SPAG9: variants seen among roughly 807,000 people sequenced by gnomAD.
SPAG9 encodes sperm associated antigen 9, also known as C-Jun-amino-terminal kinase-interacting protein 4.
A neutral mutation model predicts 166.5 loss-of-function variants in SPAG9; 35 were observed. The ratio of observed to expected loss-of-function variants is 0.21; its 90% CI spans 0.16 to 0.28. The LOEUF (loss-of-function observed/expected upper bound fraction) is 0.28, where lower values mean the gene tolerates loss of function less well. SPAG9 is among the 10% of genes least tolerant of loss of function. SPAG9 has a pLI of 1.00. For synonymous variants in SPAG9, 534 were observed against 565.5 expected (o/e 0.94, Z 0.79); for missense variants, 1,235 against 1,603.3 (o/e 0.77, Z 3.92).
At chr17:51,100,135 C>G (rs1348285906) in intron 1 of SPAG9, among the ~76,000 whole-genome samples, 1 of 151,990 alleles carries the variant, frequency 6.6e-6, no homozygotes, top group African/African-American at 2.4e-5. Flanking sequence ...TAAATAAGCA[C>G]TTTGCACTTA....
At chr17:51,037,699 TGTG>T (rs1568028439) in intron 5 of SPAG9, among the ~76,000 whole-genome samples, 3 of 104,998 alleles carry the variant, frequency 2.9e-5, no homozygotes, top group African/African-American at 9.6e-5. Flanking sequence ...TGTGTGTGTG[TGTG>T]TGTGTGTGTG....
chr17:50,975,761 A>G lies in SPAG9; in HGVS notation c.3524-814T>C, dbSNP rs570892635. On this transcript the variant is annotated intron_variant, in intron 27 of 29. Coordinates refer to ENST00000262013, the MANE Select transcript of SPAG9 (RefSeq NM_001130528.3). The stretch of plus-strand genomic sequence containing the variant: ...GCGATGCAGTGACTGCAAGTGGATA[A>G]CATTTAGGAACATTCAAGAGGGTAT... 3 of 879,378 alleles carry G rather than the reference A, an allele frequency of 3.4e-6. No homozygotes were observed. In the African/African-American group the frequency reaches 5.0e-5, roughly 15 times the overall value. 54.5% of individuals were successfully genotyped at this position (879,378 alleles called of 1,614,324 possible).
At chr17:51,053,672 G>A (rs1250153628) in intron 3 of SPAG9, among the ~76,000 whole-genome samples, 5 of 149,464 alleles carry the variant, frequency 3.3e-5, no homozygotes, top group Admixed American at 1.3e-4. Flanking sequence ...GTGACAGAAC[G>A]AGACTCCATC....
intron 19 of SPAG9, among the ~76,000 whole-genome samples, chr17:50,991,249 T>G (rs1404027737): frequency 2.6e-5 from 4 of 152,032 alleles, no homozygotes; most frequent in Non-Finnish European, 5.9e-5. Flanking sequence ...TTAAAAACAA[T>G]CTATTATATC....
chr17:51,063,751 A>C (rs1209930702), intron 2 of SPAG9, among the ~76,000 whole-genome samples: 3 of 150,170 alleles, frequency 2.0e-5, no homozygotes, highest in Non-Finnish European at 4.5e-5. Flanking sequence ...GTGTGGTGGC[A>C]CATGCCTGTA....
At chr17:50,987,060 C>A in intron 22 of SPAG9, 52 bp downstream of exon 22, 2 of 1,547,048 alleles carry the variant, frequency 1.3e-6, no homozygotes, top group Non-Finnish European at 1.7e-6. Context: ...CTTCTGATTT[C>A]AAAAGCAAAA....
chr17:51,078,400 C>T (rs886842050), intron 2 of SPAG9, among the ~76,000 whole-genome samples: 3 of 152,170 alleles, frequency 2.0e-5, no homozygotes, highest in Non-Finnish European at 4.4e-5. Context: ...TTCTCACACA[C>T]GCCCCAAGAG....
intron 3 of SPAG9, among the ~76,000 whole-genome samples, chr17:51,056,067 T>A (rs1245866149): frequency 6.6e-6 from 1 of 152,088 alleles, no homozygotes; most frequent in African/African-American, 2.4e-5. Context: ...ATTTCCAAAC[T>A]CATAAAAAAA....
chr17:51,096,452 T>C (rs2048651201), intron 1 of SPAG9, among the ~76,000 whole-genome samples: 1 of 152,062 alleles, frequency 6.6e-6, no homozygotes, highest in South Asian at 2.1e-4. Context: ...TTGGCAAAGA[T>C]ACAAGAAAAT....
chr17:50,996,745 T>G (rs1262779221), intron 15 of SPAG9, 51 bp from the exon 16 acceptor site: 1 of 1,584,062 alleles, frequency 6.3e-7, no homozygotes, highest in Admixed American at 1.7e-5. Context: ...TAATTACGTT[T>G]ATCCCCAGTT....
chr17:51,020,636 C>A (rs1330562161), intron 7 of SPAG9, among the ~76,000 whole-genome samples: 2 of 152,162 alleles, frequency 1.3e-5, no homozygotes, highest in Admixed American at 6.5e-5. Context: ...TGGCCCCCAA[C>A]TCCTGGCCCC....
chr17:51,087,900 T>TA (rs2048344506), intron 1 of SPAG9, among the ~76,000 whole-genome samples: 1 of 151,990 alleles, frequency 6.6e-6, no homozygotes, highest in African/African-American at 2.4e-5. Context: ...TATACCCAGC[T>TA]AAATTTTTTT....
At chr17:51,084,946 G>T (rs2048267266) in intron 1 of SPAG9, among the ~76,000 whole-genome samples, 1 of 152,010 alleles carries the variant, frequency 6.6e-6, no homozygotes, top group Admixed American at 6.6e-5. Flanking sequence ...CACCTCCCAG[G>T]TTCAAGCAAT....
intron 1 of SPAG9, among the ~76,000 whole-genome samples, chr17:51,092,047 A>C (rs2048481828): frequency 6.6e-6 from 1 of 152,030 alleles, no homozygotes; most frequent in African/African-American, 2.4e-5. Context: ...ATGCAGAAGA[A>C]AAAAGAAAGA....
chr17:50,994,085 C>T, intron 18 of SPAG9, 150 bp from the exon 19 acceptor site: 1 of 762,582 alleles, frequency 1.3e-6, no homozygotes, highest in Non-Finnish European at 2.1e-6. Flanking sequence ...TGTGGTTTGG[C>T]TGCGTCCCTA....
chr17:51,084,434 G>C (rs1346810244), intron 1 of SPAG9, among the ~76,000 whole-genome samples: 1 of 151,920 alleles, frequency 6.6e-6, no homozygotes, highest in African/African-American at 2.4e-5. Context: ...TGTCACCCAG[G>C]CTGGAGTGCA....
In SPAG9 at chr17:50,985,738, G is replaced by A. The variant is rs953664642; in HGVS notation, c.2980C>T (p.Leu994Phe). Residue 994 changes from leucine (L) to phenylalanine (F), a missense_variant, in exon 23 of 30, where the codon CTC becomes TTC. Leu to Phe is a conservative substitution (Grantham distance 22, BLOSUM62 0). Coordinates refer to ENST00000262013, the MANE Select transcript of SPAG9 (RefSeq NM_001130528.3). ...HSSVAQWRKC[L>F]HSIKLKDSIL... The stretch of plus-strand genomic sequence containing the variant: ...GAATCTTTAAGTTTAATGGAATGGA[G>A]ACATTTCCTCCACTGGGCTACAGAT... 6.2e-7 allele frequency: 1 copy of A among 1,608,970 alleles called. No individual in the cohort carries two copies. Among genetic ancestry groups the A allele is most frequent in the East Asian group, 2.2e-5 (1 of 44,792 alleles).
intron 5 of SPAG9, 81 bp from the exon 6 acceptor site, chr17:51,031,803 T>C: frequency 1.0e-6 from 1 of 977,712 alleles, no homozygotes; most frequent in Non-Finnish European, 1.6e-6. Flanking sequence ...TGGCTTGTAC[T>C]ATCTCCCAAG....
At chr17:51,016,046 G>A (rs2045684514) in intron 8 of SPAG9, among the ~76,000 whole-genome samples, 4 of 152,060 alleles carry the variant, frequency 2.6e-5, no homozygotes, top group Admixed American at 2.0e-4. Context: ...ATAAAAATGA[G>A]CAAGAACTCA....
Sources: allele counts gnomAD v4.1 joint callset (sites outside exome capture counted in the v4.1 genomes callset), GRCh38; gene constraint gnomAD v4.1.1; transcripts MANE v1.5; gene names NCBI Gene and HGNC (gene_info 2026-07-23, HGNC 2026-07-21).